The following WDPCP variants were observed in gnomAD, a reference collection of about 807,000 sequenced individuals.
The protein encoded by WDPCP is WD repeat containing planar cell polarity effector, also known as WD repeat-containing and planar cell polarity effector protein fritz homolog.
Under a neutral mutation model 93.1 loss-of-function variants are expected in WDPCP, and 71 were observed. The ratio of observed to expected loss-of-function variants is 0.76; its 90% CI spans 0.63 to 0.93. WDPCP has a LOEUF of 0.93. WDPCP is among the 40% of genes least tolerant of loss of function. The pLI, the probability that WDPCP is intolerant of heterozygous loss-of-function variation, is 0.00. For synonymous variants in WDPCP, 315 were observed against 315.0 expected, an observed-to-expected ratio of 1.00 and a Z score of 0.00; for missense variants, 844 against 887.4, an observed-to-expected ratio of 0.95 and a Z score of 0.62.
At chr2:63,793,869 ATTGTG>A (rs952850943) in intron 2 of WDPCP, among the ~76,000 whole-genome samples, 6 of 128,150 alleles carry the variant, frequency 4.7e-5, no homozygotes, top group Non-Finnish European at 6.5e-5. Context: ...TAGTACTTAC[ATTGTG>A]TGTGTGTGTG....
intron 10 of WDPCP, among the ~76,000 whole-genome samples, chr2:63,403,244 A>G (rs2105174168): frequency 6.6e-6 from 1 of 152,282 alleles, no homozygotes; most frequent in Admixed American, 6.5e-5. Context: ...AACACAAAGA[A>G]GAAAAAAACA....
At chr2:63,146,190 C>G (rs918477506) in intron 17 of WDPCP, among the ~76,000 whole-genome samples, 5 of 152,036 alleles carry the variant, frequency 3.3e-5, no homozygotes, top group South Asian at 2.1e-4. Context: ...ATTTGGATGC[C>G]CTTTATTTCT....
At chr2:63,189,241 A>C (rs1674865102) in intron 14 of WDPCP, among the ~76,000 whole-genome samples, 1 of 152,126 alleles carries the variant, frequency 6.6e-6, no homozygotes, top group Non-Finnish European at 1.5e-5. Context: ...TGTCATTCTC[A>C]TCAGTTCCCT....
upstream of WDPCP, chr2:63,588,530 G>T (rs1709042801): frequency 1.7e-6 from 1 of 596,404 alleles, no homozygotes; most frequent in African/African-American, 1.9e-5. Flanking sequence ...TTTTGTTTCC[G>T]GGTCGATCCA....
At chr2:63,477,225 A>G (rs967844612) in intron 6 of WDPCP, among the ~76,000 whole-genome samples, 1 of 152,176 alleles carries the variant, frequency 6.6e-6, no homozygotes, top group African/African-American at 2.4e-5. Context: ...ATTTAATAGT[A>G]TATTAATGTT....
intron 1 of WDPCP, among the ~76,000 whole-genome samples, chr2:63,587,727 G>A (rs1221123598): frequency 6.6e-6 from 1 of 152,216 alleles, no homozygotes; most frequent in Non-Finnish European, 1.5e-5. Flanking sequence ...TGTTTTACCA[G>A]CTGAGACTGA....
At chr2:63,808,945 C>T (rs996183956) in intron 2 of WDPCP, among the ~76,000 whole-genome samples, 3 of 151,968 alleles carry the variant, frequency 2.0e-5, no homozygotes, top group Admixed American at 6.5e-5. Flanking sequence ...AGGAGTGTCT[C>T]TGCCCGGCCT....
chr2:63,748,449 A>G (rs1669831472), intron 2 of WDPCP, among the ~76,000 whole-genome samples: 2 of 152,034 alleles, frequency 1.3e-5, no homozygotes, highest in Non-Finnish European at 2.9e-5. Context: ...TGAATGTTAA[A>G]TTTTATCAAA....
At chr2:63,545,697 A>G (rs1447688967) in intron 1 of WDPCP, among the ~76,000 whole-genome samples, 1 of 152,014 alleles carries the variant, frequency 6.6e-6, no homozygotes, top group Non-Finnish European at 1.5e-5. Context: ...TAGAACTCAG[A>G]TCCACCTAGA....
chr2:63,804,320 G>A (rs1460817579), intron 2 of WDPCP, among the ~76,000 whole-genome samples: 2 of 149,406 alleles, frequency 1.3e-5, no homozygotes, highest in African/African-American at 2.5e-5. Flanking sequence ...GCACCATCTC[G>A]GCTTCACTGC....
At chr2:63,416,838 T>TTA (rs1431649875) in intron 9 of WDPCP, among the ~76,000 whole-genome samples, 4 of 152,174 alleles carry the variant, frequency 2.6e-5, no homozygotes. Flanking sequence ...ACTTTTATGT[T>TTA]TAAAGTATTT....
chr2:63,586,835 T>C (rs190580783), intron 1 of WDPCP, among the ~76,000 whole-genome samples: 11 of 152,228 alleles, frequency 7.2e-5, no homozygotes, highest in Middle Eastern at 3.4e-3. Context: ...TTATAAAAAG[T>C]CTCCCTTGTA....
chr2:63,571,721 C>T, intron 1 of WDPCP: 2 of 441,306 alleles, frequency 4.5e-6, no homozygotes, highest in South Asian at 3.3e-5. Context: ...TTCAAACATT[C>T]TTGGACACAA....
chr2:63,462,749 G>A (rs995959636), intron 6 of WDPCP, among the ~76,000 whole-genome samples: 11 of 152,048 alleles, frequency 7.2e-5, no homozygotes, highest in Non-Finnish European at 1.0e-4. Context: ...GAAAGAAGGA[G>A]TTGGATAAAG....
chr2:63,676,955 C>T (rs900632044), intron 2 of WDPCP, among the ~76,000 whole-genome samples: 5 of 152,118 alleles, frequency 3.3e-5, no homozygotes, highest in Admixed American at 6.5e-5. Flanking sequence ...GGAAGGGCTA[C>T]GTGAGCTTTT....
chr2:63,218,492 A>T (rs1677539754), intron 14 of WDPCP, among the ~76,000 whole-genome samples: 3 of 151,982 alleles, frequency 2.0e-5, no homozygotes, highest in African/African-American at 7.2e-5. Context: ...AAAATACAGC[A>T]TGCTTTAAAA....
At chr2:63,575,392 A>ATATACAGTATATACAGTATATACACGG in intron 1 of WDPCP, among the ~76,000 whole-genome samples, 1 of 86,204 alleles carries the variant, frequency 1.2e-5, no homozygotes, top group Admixed American at 1.1e-4. Flanking sequence ...TATACACGGT[A>ATATACAGTATATACAGTATATACACGG]TATACAGTAT....
intron 12 of WDPCP, among the ~76,000 whole-genome samples, chr2:63,338,359 C>T (rs1378496624): frequency 6.6e-6 from 1 of 151,612 alleles, no homozygotes; most frequent in African/African-American, 2.4e-5. Flanking sequence ...TGAGACCAGC[C>T]TGGCCAACAT....
intron 6 of WDPCP, among the ~76,000 whole-genome samples, chr2:63,482,898 C>A (rs1700352651): frequency 6.6e-6 from 1 of 151,818 alleles, no homozygotes; most frequent in East Asian, 1.9e-4. Context: ...CATTGGTACA[C>A]CAGCCTGATT....
Sources: gnomAD v4.1 joint callset for allele counts (sites outside exome capture counted in the v4.1 genomes callset) on GRCh38, gnomAD v4.1.1 for gene constraint, MANE v1.5 for transcripts, NCBI Gene and HGNC (gene_info 2026-07-23, HGNC 2026-07-21) for gene names.